Variants in STK24 observed in about 807,000 individuals in gnomAD.
STK24 encodes the protein serine/threonine kinase 24.
Under a neutral mutation model 55.6 loss-of-function variants are expected in STK24, and 21 were observed. The ratio of observed to expected loss-of-function variants is 0.38; its 90% CI spans 0.27 to 0.54. The LOEUF (loss-of-function observed/expected upper bound fraction) is 0.54, where lower values mean the gene tolerates loss of function less well. STK24 is among the 20% of genes least tolerant of loss of function. The pLI is 0.79. For missense variants in STK24, 383 were observed against 538.4 expected (o/e 0.71, Z 2.86); for synonymous variants, 200 against 215.2 (o/e 0.93, Z 0.62).
At chr13:98,491,104 C>G (rs1413176860) in intron 2 of STK24, among the ~76,000 whole-genome samples, 1 of 152,190 alleles carries the variant, frequency 6.6e-6, no homozygotes, top group African/African-American at 2.4e-5. Flanking sequence ...TGGCGTACAT[C>G]ATGTCACCAG....
At chr13:98,540,005 C>G (rs1896842693) in intron 1 of STK24, among the ~76,000 whole-genome samples, 1 of 152,160 alleles carries the variant, frequency 6.6e-6, no homozygotes, top group Admixed American at 6.5e-5. Flanking sequence ...AAACAGGTGG[C>G]CCATCCAAAC....
intron 1 of STK24, among the ~76,000 whole-genome samples, chr13:98,567,574 C>T (rs1212580781): frequency 6.6e-6 from 1 of 152,106 alleles, no homozygotes; most frequent in Non-Finnish European, 1.5e-5. Context: ...TGGAGGCCAC[C>T]GACCAGTAGA....
chr13:98,564,451 T>C (rs913503355), intron 1 of STK24, among the ~76,000 whole-genome samples: 8 of 151,672 alleles, frequency 5.3e-5, no homozygotes, highest in African/African-American at 1.9e-4. Flanking sequence ...TGGGGAGGGG[T>C]AGGTTCAAAG....
At chr13:98,575,556 G>T (rs1331498533) in intron 1 of STK24, among the ~76,000 whole-genome samples, 2 of 152,114 alleles carry the variant, frequency 1.3e-5, no homozygotes, top group African/African-American at 4.8e-5. Context: ...TTCAAAAAAA[G>T]AAGGGAGAGG....
intron 3 of STK24, among the ~76,000 whole-genome samples, chr13:98,478,430 C>T (rs887420580): frequency 2.2e-4 from 34 of 152,222 alleles, no homozygotes; most frequent in Admixed American, 9.8e-4. Context: ...AGCAAATGTG[C>T]CCCATGCCCC....
chr13:98,475,465 C>T (rs1894331968), intron 3 of STK24, 107 bp from the exon 4 acceptor site: 1 of 716,924 alleles, frequency 1.4e-6, no homozygotes, highest in Non-Finnish European at 2.2e-6. Flanking sequence ...TAATTAAAAC[C>T]TGAAATCTTC....
In STK24 at chr13:98,519,228, TA is replaced by T. The variant is rs758000133; in HGVS notation, c.273+14del. On this transcript the variant is annotated intron_variant, in intron 2 of 10. Transcript: ENST00000539966. ...AGTGCTGCAGAACGGAGAAGCACGT[TA>T]TTTTAAGCCTTACCTTCAGATAGGA... 1 of 1,608,448 alleles carries T rather than the reference TA, an allele frequency of 6.2e-7. No homozygotes were observed. The highest frequency in any genetic ancestry group is 1.7e-5 in the Admixed American group (1 of 60,010).
intron 3 of STK24, among the ~76,000 whole-genome samples, chr13:98,476,240 G>GCCCCCCCCCCCCC (rs138129188): frequency 7.1e-6 from 1 of 141,592 alleles, no homozygotes; most frequent in Non-Finnish European, 1.5e-5. Flanking sequence ...CAGACGGGAA[G>GCCCCCCCCCCCCC]CCCCCCCCCG....
intron 10 of STK24, chr13:98,454,577 T>C (rs1893362986): frequency 6.6e-6 from 1 of 152,222 alleles, no homozygotes. Context: ...GATGAGTTGA[T>C]GTCACACAAA....
intron 9 of STK24, among the ~76,000 whole-genome samples, 161 bp from the exon 10 acceptor site, chr13:98,457,465 C>CTTT (rs11351684): frequency 1.3e-4 from 14 of 110,806 alleles, no homozygotes; most frequent in African/African-American, 2.7e-4. Context: ...CTTCAAATTG[C>CTTT]TTTTTTTTTT....
At chr13:98,458,523 T>TGAAGTTC (rs1893561456) in intron 9 of STK24, among the ~76,000 whole-genome samples, 1 of 152,302 alleles carries the variant, frequency 6.6e-6, no homozygotes, top group East Asian at 1.9e-4. Context: ...CATTTGTTCC[T>TGAAGTTC]GAAGTTCTTG....
At chr13:98,555,395 T>A (rs1383274296) in intron 1 of STK24, among the ~76,000 whole-genome samples, 2 of 151,814 alleles carry the variant, frequency 1.3e-5, no homozygotes, top group African/African-American at 2.4e-5. Context: ...TCCTGGCTAA[T>A]ACGGTGAAAC....
At position 98,501,849 on chromosome 13, in the gene STK24, C is replaced by T. The variant is rs1052705758; in HGVS notation, c.273+17394G>A. 3.9e-5 allele frequency among the ~76,000 whole-genome samples: 6 copies of T among 152,150 alleles called. 1 individual carries two copies. Among genetic ancestry groups the T allele is most frequent in the Admixed American group, 2.6e-4 (4 of 15,276 alleles). ...GTCCCCATTTGGCTTTCCCCTGTTG[C>T]CCTATCAGTTTGGTGCCTTTATTAA... On this transcript the variant is annotated intron_variant, in intron 2 of 10. Coordinates refer to ENST00000539966, the MANE Select transcript of STK24 (RefSeq NM_001032296.4).
chr13:98,518,675 T>G (rs1751676104), intron 2 of STK24, among the ~76,000 whole-genome samples: 1 of 152,214 alleles, frequency 6.6e-6, no homozygotes, highest in African/African-American at 2.4e-5. Flanking sequence ...TACTATTCTT[T>G]CCCACTTAAA....
intron 4 of STK24, 118 bp downstream of exon 4, chr13:98,475,132 C>A (rs1894315705): frequency 1.4e-6 from 2 of 1,402,202 alleles, no homozygotes; most frequent in African/African-American, 1.4e-5. Flanking sequence ...CCAGCCCAGC[C>A]CAGGCAAGGC....
intron 1 of STK24, chr13:98,521,792 G>A (rs1444111813): frequency 2.6e-6 from 2 of 781,098 alleles, no homozygotes; most frequent in Admixed American, 1.7e-5. Flanking sequence ...CCTCCAGGAT[G>A]AGGTAGAGTG....
intron 3 of STK24, among the ~76,000 whole-genome samples, chr13:98,479,357 C>T (rs571249053): frequency 6.6e-6 from 1 of 152,060 alleles, no homozygotes; most frequent in African/African-American, 2.4e-5. Context: ...AAATGTGTAC[C>T]TATTTTCTAT....
At chr13:98,576,637 C>A in intron 1 of STK24, 108 bp downstream of exon 1, 1 of 951,326 alleles carries the variant, frequency 1.1e-6, no homozygotes, top group Non-Finnish European at 1.4e-6. Flanking sequence ...AGCCAGGCTC[C>A]GGCGCGACCC....
At chr13:98,532,022 C>G (rs1896592829) in intron 1 of STK24, among the ~76,000 whole-genome samples, 1 of 152,190 alleles carries the variant, frequency 6.6e-6, no homozygotes, top group Non-Finnish European at 1.5e-5. Flanking sequence ...CAGCTTCAGC[C>G]TGGACCGATT....
Sources: allele counts gnomAD v4.1 joint callset (sites outside exome capture counted in the v4.1 genomes callset), GRCh38; gene constraint gnomAD v4.1.1; transcripts MANE v1.5; gene names NCBI Gene and HGNC (gene_info 2026-07-23, HGNC 2026-07-21).